Variants in KIAA0825 observed in about 807,000 individuals in gnomAD.
The protein encoded by KIAA0825 is uncharacterized protein KIAA0825.
In KIAA0825, 119 loss-of-function variants were observed where a neutral mutation model predicts 147.6. The observed-to-expected ratio is 0.81, with a 90% CI of 0.69 to 0.94. KIAA0825 has a LOEUF of 0.94. Among genes scored for constraint, KIAA0825 ranks in the 40% least tolerant of loss-of-function variants. KIAA0825 has a pLI of 0.00. For missense variants in KIAA0825, 1,381 were observed against 1,472.7 expected (o/e 0.94, Z 1.02); for synonymous variants, 470 against 518.1 (o/e 0.91, Z 1.26).
At position 94,383,787 on chromosome 5, in the gene KIAA0825, C is replaced by CTGTGTGTGTG. The variant is rs6149118; in HGVS notation, c.3710+571_3710+580dup. Among the ~76,000 whole-genome samples the CTGTGTGTGTG allele has an allele frequency of 1.5e-3, 214 of 145,448 alleles. 1 individual carries two copies. The highest frequency in any genetic ancestry group is 3.6e-3 in the East Asian group (18 of 4,960). ...TATCATTTCATTGGATTATACTGCT[C>CTGTGTGTGTG]TGTGTGTGTGTGTGTGTGTGTGTGT... On this transcript the variant is annotated intron_variant, in intron 20 of 20. Transcript: ENST00000682413.
chr5:94,487,512 G>T (rs1488585446), intron 5 of KIAA0825, among the ~76,000 whole-genome samples: 1 of 152,126 alleles, frequency 6.6e-6, no homozygotes, highest in East Asian at 1.9e-4. Context: ...TATCTCATAG[G>T]ACTAGTGTCC....
At chr5:94,367,680 A>G (rs986719846) in intron 20 of KIAA0825, among the ~76,000 whole-genome samples, 5 of 152,202 alleles carry the variant, frequency 3.3e-5, no homozygotes, top group African/African-American at 7.2e-5. Context: ...GCTACAGACA[A>G]TGTGTCATCA....
chr5:94,348,738 A>G (rs424374), intron 20 of KIAA0825, among the ~76,000 whole-genome samples: 29,933 of 152,180 alleles, frequency 0.2, 3,460 homozygotes, highest in Middle Eastern at 0.26. Context: ...AAATGCTGAC[A>G]GAATTTGCCA....
chr5:94,513,290 T>C (rs957609206), intron 5 of KIAA0825, among the ~76,000 whole-genome samples: 1 of 152,214 alleles, frequency 6.6e-6, no homozygotes, highest in African/African-American at 2.4e-5. Context: ...CAAAAAATGT[T>C]ATTAAATGGC....
intron 20 of KIAA0825, among the ~76,000 whole-genome samples, chr5:94,373,621 C>T (rs184053909): frequency 1.3e-5 from 2 of 152,174 alleles, no homozygotes; most frequent in Non-Finnish European, 2.9e-5. Flanking sequence ...AACTTACTCA[C>T]TATCATGAGA....
rs532408325 is a variant in KIAA0825 at position 94,344,768 on chromosome 5, G to C, written c.3710+39600C>G. ...GAAACCCTGGCAGGTGCTACAACAT[G>C]GATGTACCTTGAAGATATCATGCTG... On this transcript the variant is annotated intron_variant, in intron 20 of 20. Coordinates refer to ENST00000682413, the MANE Select transcript of KIAA0825 (RefSeq NM_001145678.3). 2.2e-4 allele frequency among the ~76,000 whole-genome samples: 34 copies of C among 152,306 alleles called. 1 individual carries two copies. The East Asian group carries it at 6.6e-3, about 29-fold the overall frequency.
chr5:94,440,171 A>C (rs1756897326), intron 13 of KIAA0825, 50 bp from the exon 14 acceptor site: 1 of 1,514,288 alleles, frequency 6.6e-7, no homozygotes, highest in South Asian at 1.2e-5. Context: ...TTTATCTATG[A>C]AATTAATAGC....
intron 19 of KIAA0825, among the ~76,000 whole-genome samples, chr5:94,384,751 GAGA>G (rs1174537495): frequency 3.9e-5 from 6 of 152,286 alleles, no homozygotes; most frequent in African/African-American, 9.6e-5. Flanking sequence ...AAGTTTCTCT[GAGA>G]AGGAGACTGT....
intron 12 of KIAA0825, among the ~76,000 whole-genome samples, chr5:94,455,181 AC>A (rs1245863489): frequency 6.6e-6 from 1 of 151,862 alleles, no homozygotes; most frequent in Non-Finnish European, 1.5e-5. Context: ...AATTCACACT[AC>A]CCCCCAACCC....
At chr5:94,228,663 C>T (rs1481518764) in intron 20 of KIAA0825, among the ~76,000 whole-genome samples, 2 of 152,100 alleles carry the variant, frequency 1.3e-5, no homozygotes, top group African/African-American at 2.4e-5. Context: ...AGTCCCTACG[C>T]CAAAGAACTC....
chr5:94,491,865 T>A (rs1172066029), intron 5 of KIAA0825, among the ~76,000 whole-genome samples: 1 of 152,046 alleles, frequency 6.6e-6, no homozygotes, highest in Non-Finnish European at 1.5e-5. Context: ...AATGAGTAAA[T>A]AAATGATTAA....
chr5:94,481,009 T>G (rs1032454197), intron 6 of KIAA0825, among the ~76,000 whole-genome samples: 1 of 152,284 alleles, frequency 6.6e-6, no homozygotes, highest in South Asian at 2.1e-4. Context: ...AATTTGGCAA[T>G]GTAAAACTCT....
intron 20 of KIAA0825, among the ~76,000 whole-genome samples, chr5:94,172,775 G>A (rs1216237726): frequency 2.0e-5 from 3 of 152,076 alleles, no homozygotes; most frequent in Non-Finnish European, 4.4e-5. Context: ...GTGGTAGAAG[G>A]TGTATGAAAT....
rs1183780604 is a variant in KIAA0825 at position 94,182,943 on chromosome 5, A to G, written c.3711-28819T>C. On this transcript the variant is annotated intron_variant, in intron 20 of 20. Coordinates refer to ENST00000682413, the MANE Select transcript of KIAA0825 (RefSeq NM_001145678.3). ...TAAGGTAGGGAACAGGTTCTTAGTA[A>G]TTATGGTTTTTCTTGTAGCTCACCT... is the stretch of plus-strand genomic sequence containing the variant. 2.0e-5 allele frequency among the ~76,000 whole-genome samples: 3 copies of G among 152,130 alleles called. No homozygotes were observed. In the East Asian group the frequency reaches 5.8e-4, roughly 29 times the overall value.
At chr5:94,557,463 A>T (rs1484312772) in intron 2 of KIAA0825, among the ~76,000 whole-genome samples, 1 of 148,694 alleles carries the variant, frequency 6.7e-6, no homozygotes, top group African/African-American at 2.5e-5. Context: ...ATGAGGGTCC[A>T]TTTCTGTGTG....
Position 94,216,346 on chromosome 5 carries a change from G to A in KIAA0825, c.3711-62222C>T, listed in dbSNP as rs140861112. On this transcript the variant is annotated intron_variant, in intron 20 of 20. Transcript: ENST00000682413. ...AAATTCTGTCTGGGACTCTTTAGGG[G>A]TGAAGGGAGTAGTAGTGGGAATAGA... 2.0e-5 allele frequency among the ~76,000 whole-genome samples: 3 copies of A among 152,286 alleles called. No homozygotes were observed. The East Asian group carries it at 5.8e-4, about 29-fold the overall frequency.
At chr5:94,344,930 T>C (rs144592496) in intron 20 of KIAA0825, among the ~76,000 whole-genome samples, 5 of 152,284 alleles carry the variant, frequency 3.3e-5, no homozygotes, top group African/African-American at 1.2e-4. Context: ...ATGGGAGTTA[T>C]TGATAATGGG....
intron 2 of KIAA0825, among the ~76,000 whole-genome samples, chr5:94,574,552 A>G (rs1328530440): frequency 6.6e-6 from 1 of 150,822 alleles, no homozygotes; most frequent in Non-Finnish European, 1.5e-5. Flanking sequence ...TCAAAAAAAA[A>G]AAAAAAAAAA....
At chr5:94,514,277 T>C (rs958324856) in intron 5 of KIAA0825, among the ~76,000 whole-genome samples, 1 of 152,154 alleles carries the variant, frequency 6.6e-6, no homozygotes, top group East Asian at 1.9e-4. Context: ...AGATACTTTT[T>C]AAAATATTAA....
Sources: allele counts gnomAD v4.1 joint callset (sites outside exome capture counted in the v4.1 genomes callset), GRCh38; gene constraint gnomAD v4.1.1; transcripts MANE v1.5; gene names NCBI Gene and HGNC (gene_info 2026-07-23, HGNC 2026-07-21).